The following TAF5L variants were observed in gnomAD, a reference collection of about 807,000 sequenced individuals.
The protein encoded by TAF5L is TATA-box binding protein associated factor 5 like.
Under a neutral mutation model 51.3 loss-of-function variants are expected in TAF5L, and 7 were observed. That is an observed-to-expected ratio of 0.14 (90% CI 0.08 to 0.26). The LOEUF (loss-of-function observed/expected upper bound fraction) is 0.26, where lower values mean the gene tolerates loss of function less well. Ranked by LOEUF, TAF5L falls within the 10% of genes least tolerant of loss-of-function variation. The pLI, the probability that TAF5L is intolerant of heterozygous loss-of-function variation, is 1.00. For synonymous variants in TAF5L, 291 were observed against 308.1 expected, an observed-to-expected ratio of 0.94 and a Z score of 0.58; for missense variants, 575 against 758.9, an observed-to-expected ratio of 0.76 and a Z score of 2.85.
At chr1:229,597,760 T>C (rs1245529246) in intron 4 of TAF5L, among the ~76,000 whole-genome samples, 2 of 152,196 alleles carry the variant, frequency 1.3e-5, no homozygotes, top group South Asian at 2.1e-4. Flanking sequence ...ACACATGAAA[T>C]AGAAATTTAA....
chr1:229,607,368 T>C (rs541037897), intron 3 of TAF5L: 1 of 985,482 alleles, frequency 1.0e-6, no homozygotes, highest in South Asian at 4.7e-5. Context: ...CAAATAATTT[T>C]ACAAACTGCT....
chr1:229,602,633 G>A lies in TAF5L; in HGVS notation c.534C>T (p.Tyr178=), dbSNP rs764166775. 6.2e-7 allele frequency: 1 copy of A among 1,614,196 alleles called. No homozygotes were observed. The highest frequency in any genetic ancestry group is 8.5e-7 in the Non-Finnish European group (1 of 1,180,044). The change falls in exon 4 of 5, where the codon TAC becomes TAT. Residue 178 remains tyrosine (Y), a synonymous_variant. Coordinates refer to ENST00000258281, the Ensembl canonical transcript of TAF5L. The surrounding 1 kb of genome is among the most constrained non-coding windows in gnomAD (Gnocchi z 4.6). ...GGGCAGTATTGTTGTCACTTTGGAG[G>A]TAGCGGATAAGGTAGTTGTAGCTGT...
intron 1 of TAF5L, among the ~76,000 whole-genome samples, chr1:229,623,791 G>A (rs935326395): frequency 2.0e-5 from 3 of 152,194 alleles, no homozygotes; most frequent in Non-Finnish European, 2.9e-5. Flanking sequence ...GAAAGCTGAG[G>A]CGCAAAGAAG....
At chr1:229,603,057 C>T in intron 3 of TAF5L, 138 bp from the exon 4 acceptor site, 1 of 1,400,628 alleles carries the variant, frequency 7.1e-7, no homozygotes, top group Non-Finnish European at 9.3e-7. Context: ...GAACTATAAG[C>T]CCAACACAGG....
intron 1 of TAF5L, among the ~76,000 whole-genome samples, chr1:229,622,021 CT>C (rs796564567): frequency 0.059 from 178 of 3,008 alleles, 1 homozygote; most frequent in African/African-American, 0.11. Flanking sequence ...TCATCATCAT[CT>C]ATCTATCTAT....
At chr1:229,601,413 C>G (rs572198649) in intron 4 of TAF5L, 1 of 985,226 alleles carries the variant, frequency 1.0e-6, no homozygotes, top group South Asian at 4.7e-5. Flanking sequence ...TTTTTCAGGA[C>G]CACTCTAAAG....
At chr1:229,621,429 G>A (rs1476198742) in intron 1 of TAF5L, among the ~76,000 whole-genome samples, 1 of 152,066 alleles carries the variant, frequency 6.6e-6, no homozygotes, top group Non-Finnish European at 1.5e-5. Flanking sequence ...CACCTTACTG[G>A]GAGGATATCT....
intron 3 of TAF5L, chr1:229,606,026 G>T: frequency 1.8e-6 from 1 of 553,036 alleles, no homozygotes; most frequent in Non-Finnish European, 2.3e-6. Context: ...AAAATTTCAG[G>T]CTCCTTTTCT....
intron 4 of TAF5L, among the ~76,000 whole-genome samples, chr1:229,595,637 C>A (rs180859899): frequency 9.9e-4 from 150 of 152,172 alleles, no homozygotes; most frequent in Non-Finnish European, 1.7e-3. Context: ...ATGGACACAG[C>A]GACACATGAA....
At position 229,595,047 on chromosome 1, in the gene TAF5L, G is replaced by A. The variant is rs10218432; in HGVS notation, c.1020C>T (p.Gly340=). Reference sequence around the variant, plus strand: ...TCGTGCTGTACACTGGTCCGCAGTGGCCCCGCAGTATCTTCATCTCCGTGC... The same window carrying A: ...TCGTGCTGTACACTGGTCCGCAGTGACCCCGCAGTATCTTCATCTCCGTGC... The change falls in exon 5 of 5, where the codon GGC becomes GGT. Residue 340 remains glycine, a synonymous_variant. Coordinates refer to ENST00000258281, the Ensembl canonical transcript of TAF5L. The A allele has an allele frequency of 3.9e-3, 6,297 of 1,612,568 alleles. 197 individuals carry two copies. The African/African-American group carries it at 0.073, about 19-fold the overall frequency.
exon 5 of TAF5L, chr1:229,593,623 A>G (rs759615836): frequency 1.4e-4 from 22 of 152,046 alleles, no homozygotes; most frequent in Non-Finnish European, 2.8e-4. Context: ...GTGCTACCAA[A>G]TTCTCTGAAT....
chr1:229,594,271 C>G lies in TAF5L; in HGVS notation c.*26G>C. On this transcript the variant is annotated 3_prime_UTR_variant, in exon 5 of 5. Transcript: ENST00000258281. This position sits in a 1 kb window ranked among gnomAD's most constrained non-coding sequence, Gnocchi z 7.9. The stretch of plus-strand genomic sequence containing the variant: ...AACTGGAGGCTTTCCACTGTTACCC[C>G]AGTCCGTTCCAACAAAGTTAAAAAA... The G allele has an allele frequency of 1.9e-6, 3 of 1,586,012 alleles. No homozygotes were observed. The highest frequency in any genetic ancestry group is 1.7e-6 in the Non-Finnish European group (2 of 1,164,470).
intron 4 of TAF5L, among the ~76,000 whole-genome samples, chr1:229,597,820 G>A (rs1464539499): frequency 6.6e-6 from 1 of 152,202 alleles, no homozygotes; most frequent in African/African-American, 2.4e-5. Context: ...GCACCCTTGT[G>A]CTGTAGTTTG....
chr1:229,606,870 A>C, intron 3 of TAF5L: 1 of 985,454 alleles, frequency 1.0e-6, no homozygotes, highest in Non-Finnish European at 1.2e-6. Flanking sequence ...TCTCATCTAC[A>C]GACAACCTGT....
chr1:229,610,572 G>A (rs1186400068), intron 2 of TAF5L, among the ~76,000 whole-genome samples: 8 of 152,164 alleles, frequency 5.3e-5, no homozygotes, highest in African/African-American at 1.7e-4. Flanking sequence ...TCACTGTGCT[G>A]GGCACTTAGT....
chr1:229,604,131 T>A (rs2102747987), intron 3 of TAF5L, among the ~76,000 whole-genome samples: 1 of 151,344 alleles, frequency 6.6e-6, no homozygotes, highest in East Asian at 1.9e-4. Flanking sequence ...TTAAATAAAT[T>A]AAAATAAAAA....
chr1:229,613,640 G>T (rs1008796214), intron 2 of TAF5L, among the ~76,000 whole-genome samples: 1 of 152,130 alleles, frequency 6.6e-6, no homozygotes, highest in African/African-American at 2.4e-5. Context: ...AATACAGGAG[G>T]ATGTCTGTAG....
At chr1:229,616,839 A>G (rs989684591) in intron 1 of TAF5L, among the ~76,000 whole-genome samples, 11 of 152,228 alleles carry the variant, frequency 7.2e-5, no homozygotes, top group Non-Finnish European at 1.0e-4. Context: ...GCCCAGAAAG[A>G]TTACATTATC....
At chr1:229,610,979 G>A (rs753096191) in intron 2 of TAF5L, among the ~76,000 whole-genome samples, 2 of 152,056 alleles carry the variant, frequency 1.3e-5, no homozygotes, top group Non-Finnish European at 2.9e-5. Flanking sequence ...CTTCTTATGA[G>A]ATATGTTTCT....
Sources: gnomAD v4.1 joint callset for allele counts (sites outside exome capture counted in the v4.1 genomes callset) on GRCh38, gnomAD v4.1.1 for gene constraint, Gnocchi (gnomAD v3.1) non-coding constraint, MANE v1.5 for transcripts, NCBI Gene and HGNC (gene_info 2026-07-23, HGNC 2026-07-21) for gene names.